Variants in SESN1 observed in about 807,000 individuals in gnomAD.
The protein encoded by SESN1 is sestrin 1, also known as sestrin-1.
Under a neutral mutation model 59.3 loss-of-function variants are expected in SESN1, and 30 were observed. The observed-to-expected ratio is 0.51, with a 90% CI of 0.38 to 0.69. SESN1 has a LOEUF of 0.69. Among genes scored for constraint, SESN1 ranks in the 30% least tolerant of loss-of-function variants. SESN1 has a pLI of 0.00. For missense variants in SESN1, 566 were observed against 673.0 expected (o/e 0.84, Z 1.76); for synonymous variants, 197 against 219.9 (o/e 0.90, Z 0.92).
intron 1 of SESN1, among the ~76,000 whole-genome samples, chr6:109,079,897 A>G (rs1023710030): frequency 6.6e-6 from 1 of 152,230 alleles, no homozygotes; most frequent in Non-Finnish European, 1.5e-5. Context: ...TGATTTCTGT[A>G]TGAGCTCAAT....
intron 1 of SESN1, among the ~76,000 whole-genome samples, chr6:109,051,618 T>A (rs1228565684): frequency 1.3e-5 from 2 of 152,244 alleles, no homozygotes; most frequent in Non-Finnish European, 2.9e-5. Context: ...TTTCTTTTTT[T>A]CTGTAATTGA....
At chr6:109,037,531 AATTACAGAATT>A in intron 1 of SESN1, among the ~76,000 whole-genome samples, 1 of 152,344 alleles carries the variant, frequency 6.6e-6, no homozygotes, top group South Asian at 2.1e-4. Context: ...GTGATGTAAT[AATTACAGAATT>A]TCAGAGCTAA....
At chr6:109,044,964 G>A (rs575074864) in intron 1 of SESN1, among the ~76,000 whole-genome samples, 1 of 151,818 alleles carries the variant, frequency 6.6e-6, no homozygotes, top group Non-Finnish European at 1.5e-5. Flanking sequence ...TAGAGGTTGC[G>A]GTGAGCTGAG....
chr6:109,062,223 G>T (rs1780745758), intron 1 of SESN1, among the ~76,000 whole-genome samples: 1 of 152,206 alleles, frequency 6.6e-6, no homozygotes, highest in South Asian at 2.1e-4. Context: ...AGAATTGAGA[G>T]AAATCCGAAA....
At chr6:109,007,785 CTTTTTTTTTTT>C (rs3083610) in intron 1 of SESN1, among the ~76,000 whole-genome samples, 1 of 103,352 alleles carries the variant, frequency 9.7e-6, no homozygotes, top group Non-Finnish European at 2.1e-5. Flanking sequence ...AGTCCAGGTA[CTTTTTTTTTTT>C]TTTTTTTTTG....
intron 1 of SESN1, among the ~76,000 whole-genome samples, chr6:109,042,293 C>T (rs1312318664): frequency 3.3e-5 from 5 of 151,060 alleles, no homozygotes. Flanking sequence ...ATGTCAAGAG[C>T]CTAGGGAAAG....
intron 1 of SESN1, among the ~76,000 whole-genome samples, chr6:109,056,720 A>G (rs1780638681): frequency 6.6e-6 from 1 of 152,148 alleles, no homozygotes; most frequent in Non-Finnish European, 1.5e-5. Context: ...TTTCCTTCTC[A>G]CTGTGTAGTA....
chr6:109,032,419 C>G (rs1358503272), intron 1 of SESN1, among the ~76,000 whole-genome samples: 3 of 152,108 alleles, frequency 2.0e-5, no homozygotes, highest in Non-Finnish European at 2.9e-5. Context: ...GAATTCAAGA[C>G]CAGCCTGGCC....
intron 1 of SESN1, among the ~76,000 whole-genome samples, chr6:109,073,932 C>G (rs1319652106): frequency 6.6e-6 from 1 of 152,142 alleles, no homozygotes; most frequent in African/African-American, 2.4e-5. Flanking sequence ...TAAACCACTG[C>G]CAAGAGAGAT....
chr6:109,051,198 T>C (rs1415318720), intron 1 of SESN1, among the ~76,000 whole-genome samples: 6 of 152,120 alleles, frequency 3.9e-5, no homozygotes, highest in African/African-American at 1.4e-4. Context: ...AGTTTCATGA[T>C]GGTTTAAAAC....
chr6:109,081,445 C>T (rs1004352030), intron 1 of SESN1, among the ~76,000 whole-genome samples: 2 of 152,122 alleles, frequency 1.3e-5, no homozygotes, highest in African/African-American at 2.4e-5. Flanking sequence ...CCCATCTGGG[C>T]CTTGTTTTTT....
intron 1 of SESN1, among the ~76,000 whole-genome samples, chr6:109,027,570 C>T (rs529742944): frequency 6.7e-6 from 1 of 150,102 alleles, no homozygotes; most frequent in South Asian, 2.1e-4. Context: ...GGGTGTAGTG[C>T]AGTTGTTCTT....
chr6:109,040,695 C>T (rs1487122334), intron 1 of SESN1, among the ~76,000 whole-genome samples: 1 of 151,574 alleles, frequency 6.6e-6, no homozygotes, highest in African/African-American at 2.4e-5. Flanking sequence ...CTCTGTCGCC[C>T]AGGCTGGAGT....
At chr6:109,062,405 A>G (rs528772722) in intron 1 of SESN1, among the ~76,000 whole-genome samples, 1 of 152,352 alleles carries the variant, frequency 6.6e-6, no homozygotes, top group African/African-American at 2.4e-5. Flanking sequence ...TGAGGCTGCC[A>G]AGGTCAGCAG....
intron 1 of SESN1, among the ~76,000 whole-genome samples, chr6:109,032,280 T>A (rs1780193277): frequency 6.6e-6 from 1 of 151,212 alleles, no homozygotes. Flanking sequence ...CTCAAAAAAG[T>A]CTCAGAGTTT....
chr6:109,094,274 A>G lies in SESN1; in HGVS notation c.-201T>C. 1.7e-6 allele frequency: 1 copy of G among 589,244 alleles called. No homozygotes were observed. Among genetic ancestry groups the G allele is most frequent in the Non-Finnish European group, 3.0e-6 (1 of 337,352 alleles). The allele number at this position is 589,244 out of a possible 1,614,324, so 36.5% of individuals were successfully genotyped here. A position where few individuals can be genotyped will look rare whatever the true frequency, so the allele number is the denominator to read the frequency against. Reference sequence around the variant, plus strand: ...GGTCACCCTCTCACCCTCTCCTTGTACACGAAAGGGCAGTCTTCTTTCTGG... The same window carrying G: ...GGTCACCCTCTCACCCTCTCCTTGTGCACGAAAGGGCAGTCTTCTTTCTGG... On this transcript the variant is annotated 5_prime_UTR_variant, in exon 1 of 10. Transcript: ENST00000436639.
intron 1 of SESN1, among the ~76,000 whole-genome samples, chr6:109,055,637 G>C (rs1207991636): frequency 3.7e-5 from 5 of 134,196 alleles, no homozygotes; most frequent in Non-Finnish European, 6.5e-5. Context: ...ACTCCAGCCT[G>C]GGCAACAGAG....
At chr6:109,001,076 A>G (rs1779610811) in intron 3 of SESN1, among the ~76,000 whole-genome samples, 1 of 152,144 alleles carries the variant, frequency 6.6e-6, no homozygotes, top group Admixed American at 6.6e-5. Flanking sequence ...TTTAATGAAG[A>G]ATGGTTCTCA....
At chr6:109,071,062 A>G (rs550743904) in intron 1 of SESN1, among the ~76,000 whole-genome samples, 107 of 152,360 alleles carry the variant, frequency 7.0e-4, no homozygotes, top group Non-Finnish European at 9.3e-4. Context: ...GAGGGTGGGT[A>G]GAAACTGCCA....
Sources: gnomAD v4.1 joint callset for allele counts (sites outside exome capture counted in the v4.1 genomes callset) on GRCh38, gnomAD v4.1.1 for gene constraint, MANE v1.5 for transcripts, NCBI Gene and HGNC (gene_info 2026-07-23, HGNC 2026-07-21) for gene names.